Variants in MYBPC1 observed in about 807,000 individuals in gnomAD.
MYBPC1 encodes myosin binding protein C1.
Under a neutral mutation model 147.1 loss-of-function variants are expected in MYBPC1, and 52 were observed. That is an observed-to-expected ratio of 0.35 (90% CI 0.28 to 0.45). MYBPC1 has a LOEUF of 0.45. MYBPC1 is among the 20% of genes least tolerant of loss of function. MYBPC1 has a pLI of 1.00. For synonymous variants in MYBPC1, 477 were observed against 475.9 expected (o/e 1.00, Z -0.03); for missense variants, 1,228 against 1,440.3 (o/e 0.85, Z 2.39).
chr12:101,634,319 T>C (rs1011768873), intron 8 of MYBPC1, among the ~76,000 whole-genome samples: 1 of 152,202 alleles, frequency 6.6e-6, no homozygotes, highest in African/African-American at 2.4e-5. Flanking sequence ...GTGATTCTAG[T>C]GGGCAGACAA....
intron 2 of MYBPC1, among the ~76,000 whole-genome samples, chr12:101,615,592 A>G (rs1885678883): frequency 6.6e-6 from 1 of 151,678 alleles, no homozygotes; most frequent in Non-Finnish European, 1.5e-5. Context: ...AATAGAATAC[A>G]GCCTGGGAAA....
intron 15 of MYBPC1, chr12:101,650,918 G>A (rs1023785218): frequency 5.2e-6 from 2 of 387,308 alleles, no homozygotes; most frequent in Non-Finnish European, 9.8e-6. Flanking sequence ...ATGTAAATGG[G>A]TGTGGCTTAT....
At chr12:101,601,277 A>T (rs192344989) in intron 1 of MYBPC1, among the ~76,000 whole-genome samples, 76 of 152,344 alleles carry the variant, frequency 5.0e-4, no homozygotes, top group Non-Finnish European at 8.5e-4. Flanking sequence ...AGTCAAAGTG[A>T]TCATACTGTC....
intron 20 of MYBPC1, 134 bp downstream of exon 20, chr12:101,661,396 T>C: frequency 3.0e-6 from 2 of 662,068 alleles, no homozygotes; most frequent in South Asian, 3.1e-5. Context: ...GCATTCAAAA[T>C]GAAATATATA....
Position 101,644,652 on chromosome 12 carries a change from C to G in MYBPC1, c.833-12C>G, listed in dbSNP as rs143326954. 19 of 1,608,608 alleles carry G rather than the reference C, an allele frequency of 1.2e-5. No individual in the cohort carries two copies. In the East Asian group the frequency reaches 4.0e-4, roughly 34 times the overall value. On this transcript the variant is annotated splice_polypyrimidine_tract_variant and intron_variant, in intron 11 of 31. Coordinates refer to ENST00000361466, the MANE Select transcript of MYBPC1 (RefSeq NM_002465.4). ...ATATATTAACATACTTTTGCTTCTT[C>G]TATTCTATCAGCTTTTGCAAAAATT...
intron 25 of MYBPC1, among the ~76,000 whole-genome samples, chr12:101,675,081 G>T (rs1899631563): frequency 6.6e-6 from 1 of 152,030 alleles, no homozygotes; most frequent in African/African-American, 2.4e-5. Flanking sequence ...TTGTTAAGTT[G>T]CAGGGAGTGT....
intron 19 of MYBPC1, 94 bp from the exon 20 acceptor site, chr12:101,661,064 A>G: frequency 1.3e-6 from 1 of 778,304 alleles, no homozygotes; most frequent in South Asian, 1.5e-5. Flanking sequence ...TAACAGTTTC[A>G]ATGATTATCA....
At position 101,617,184 on chromosome 12, in the gene MYBPC1, C is replaced by T. The variant is rs1171527551; in HGVS notation, c.62-18C>T. ...GCTTTAAGGCACTTTAAAAAATATGCTTGTACTTTCTACACAGAACCAAGT... is the reference window on the plus strand; with the variant it reads ...GCTTTAAGGCACTTTAAAAAATATGTTTGTACTTTCTACACAGAACCAAGT... On this transcript the variant is annotated intron_variant, in intron 2 of 31. Transcript: ENST00000361466. 2.5e-6 allele frequency: 4 copies of T among 1,613,318 alleles called. No homozygotes were observed. Among genetic ancestry groups the T allele is most frequent in the African/African-American group, 1.3e-5 (1 of 74,882 alleles).
At chr12:101,666,815 G>A (rs760145146) in intron 22 of MYBPC1, 1 of 1,597,836 alleles carries the variant, frequency 6.3e-7, no homozygotes. Flanking sequence ...ATTCCGTGAA[G>A]CTCTCAAATT....
intron 10 of MYBPC1, among the ~76,000 whole-genome samples, chr12:101,640,659 C>T (rs1433342913): frequency 6.6e-6 from 1 of 152,118 alleles, no homozygotes; most frequent in African/African-American, 2.4e-5. Context: ...TCCCCCAAAC[C>T]CACTGGGCAA....
intron 2 of MYBPC1, among the ~76,000 whole-genome samples, chr12:101,616,417 A>T (rs1886086919): frequency 6.6e-6 from 1 of 152,168 alleles, no homozygotes; most frequent in Non-Finnish European, 1.5e-5. Context: ...TTTCATATTC[A>T]TTGCACAATA....
intron 14 of MYBPC1, 74 bp from the exon 15 acceptor site, chr12:101,649,186 A>C (rs1893874427): frequency 1.5e-6 from 2 of 1,353,538 alleles, no homozygotes; most frequent in East Asian, 4.8e-5. Flanking sequence ...AGGATATTGC[A>C]ATAAGCAAGA....
chr12:101,684,548 A>G, intron 31 of MYBPC1, 124 bp downstream of exon 31: 2 of 739,908 alleles, frequency 2.7e-6, no homozygotes, highest in Non-Finnish European at 2.2e-6. Flanking sequence ...TAAATCCCTA[A>G]CTTTGTAGTT....
chr12:101,606,911 G>A (rs112369160), intron 1 of MYBPC1, among the ~76,000 whole-genome samples: 52 of 152,024 alleles, frequency 3.4e-4, no homozygotes, highest in African/African-American at 1.3e-3. Context: ...TGCAACCTTC[G>A]CCTACCCAGC....
At chr12:101,653,365 A>G in intron 18 of MYBPC1, 117 bp downstream of exon 18, 1 of 1,316,098 alleles carries the variant, frequency 7.6e-7, no homozygotes, top group Non-Finnish European at 1.1e-6. Flanking sequence ...AATGTACAGC[A>G]GTACAGTAAA....
At chr12:101,621,595 A>G (rs1006097209) in intron 3 of MYBPC1, among the ~76,000 whole-genome samples, 1 of 152,238 alleles carries the variant, frequency 6.6e-6, no homozygotes, top group African/African-American at 2.4e-5. Context: ...AAGGTATTGT[A>G]TCAGTATTTC....
chr12:101,618,140 T>C (rs1457312946), intron 3 of MYBPC1, among the ~76,000 whole-genome samples: 1 of 152,242 alleles, frequency 6.6e-6, no homozygotes, highest in Non-Finnish European at 1.5e-5. Context: ...AGTATCTCTT[T>C]GTTCTTGATG....
chr12:101,647,068 A>G (rs1893322120), intron 13 of MYBPC1, 181 bp downstream of exon 13: 2 of 716,550 alleles, frequency 2.8e-6, no homozygotes, highest in Admixed American at 5.3e-5. Context: ...TGTTGAGTAC[A>G]AATGCCTCAT....
chr12:101,661,775 G>C (rs1323892759), intron 20 of MYBPC1, among the ~76,000 whole-genome samples: 3 of 151,470 alleles, frequency 2.0e-5, no homozygotes, highest in Non-Finnish European at 4.4e-5. Flanking sequence ...TGTGGTCCCA[G>C]CTACTCGCTA....
Sources: gnomAD v4.1 joint callset for allele counts (sites outside exome capture counted in the v4.1 genomes callset) on GRCh38, gnomAD v4.1.1 for gene constraint, MANE v1.5 for transcripts, NCBI Gene and HGNC (gene_info 2026-07-23, HGNC 2026-07-21) for gene names.